TAF5L: variants seen among roughly 807,000 people sequenced by gnomAD.
The protein encoded by TAF5L is TAF5-like RNA polymerase II p300/CBP-associated factor-associated factor 65 kDa subunit 5L.
Under a neutral mutation model 51.3 loss-of-function variants are expected in TAF5L, and 7 were observed. That is an observed-to-expected ratio of 0.14 (90% CI 0.08 to 0.26). TAF5L has a LOEUF of 0.26. TAF5L is among the 10% of genes least tolerant of loss of function. The probability of loss-of-function intolerance (pLI) is 1.00; values close to 1 mark genes in which losing one functional copy is unlikely to be tolerated. For missense variants in TAF5L, 575 were observed against 758.9 expected (o/e 0.76, Z 2.85); for synonymous variants, 291 against 308.1 (o/e 0.94, Z 0.58).
Position 229,602,833 on chromosome 1 carries a change from G to A in TAF5L, c.334C>T (p.Pro112Ser). The A allele has an allele frequency of 1.2e-6, 2 of 1,612,564 alleles. No individual in the cohort carries two copies. Among genetic ancestry groups the A allele is most frequent in the Non-Finnish European group, 1.7e-6 (2 of 1,180,026 alleles). Residue 112 changes from proline (P) to serine (S), a missense_variant, in exon 4 of 5, where the codon CCG becomes TCG. Coordinates refer to ENST00000258281, the Ensembl canonical transcript of TAF5L. This position sits in a 1 kb window ranked among gnomAD's most constrained non-coding sequence, Gnocchi z 4.6. ...TAAAAACTTTCCACTGTGCTCTTCG[G>A]ACTGTTTTGGACCAGGTTGAGATGG...
chr1:229,610,065 T>C (rs1164979546), intron 3 of TAF5L, 41 bp downstream of exon 3: 3 of 1,584,356 alleles, frequency 1.9e-6, no homozygotes, highest in Admixed American at 1.7e-5. Context: ...TGTATTACTC[T>C]GTTTTCTTAA....
At chr1:229,595,222 A>G in intron 4 of TAF5L, 128 bp from the exon 5 acceptor site, 1 of 947,376 alleles carries the variant, frequency 1.1e-6, no homozygotes, top group Non-Finnish European at 1.5e-6. Context: ...GCATCTATCC[A>G]GCAAATGACA....
intron 3 of TAF5L, chr1:229,606,715 CAGG>C (rs1664608155): frequency 1.0e-6 from 1 of 985,218 alleles, no homozygotes; most frequent in Non-Finnish European, 1.2e-6. Context: ...TCTTAGGAGC[CAGG>C]TACTTTGCAT....
chr1:229,614,324 C>G lies in TAF5L; in HGVS notation c.142+17G>C, dbSNP rs551051356. ...CCTGCTCCAGGCTCACCCCACCAGA[C>G]GAGCCCCCACCATTACCTGTTAGAT... On this transcript the variant is annotated intron_variant, in intron 2 of 4. Coordinates refer to ENST00000258281, the Ensembl canonical transcript of TAF5L. The G allele has an allele frequency of 1.2e-6, 2 of 1,614,114 alleles. No individual in the cohort carries two copies. The highest frequency in any genetic ancestry group is 2.7e-5 in the African/African-American group (2 of 74,924).
At chr1:229,616,106 C>T (rs965210549) in intron 1 of TAF5L, among the ~76,000 whole-genome samples, 1 of 152,148 alleles carries the variant, frequency 6.6e-6, no homozygotes, top group Admixed American at 6.5e-5. Context: ...CCTCCACCTC[C>T]TGGGTTCAAG....
At chr1:229,600,005 AG>A (rs1214245888) in intron 4 of TAF5L, 11 of 985,216 alleles carry the variant, frequency 1.1e-5, no homozygotes, top group African/African-American at 7.0e-5. Context: ...TGGTTTCTCT[AG>A]GTATGTGAGT....
rs751451655 is a variant in TAF5L, at chr1:229,594,284, CAA to C, written c.*11_*12del. The stretch of plus-strand genomic sequence containing the variant: ...CCACTGTTACCCCAGTCCGTTCCAA[CAA>C]AGTTAAAAAATTAATGTTCCTGATT... On this transcript the variant is annotated 3_prime_UTR_variant, in exon 5 of 5. Transcript: ENST00000258281. The surrounding 1 kb of genome is among the most constrained non-coding windows in gnomAD (Gnocchi z 7.9). 1.3e-6 allele frequency: 2 copies of C among 1,599,402 alleles called. No individual in the cohort carries two copies. Among genetic ancestry groups the C allele is most frequent in the South Asian group, 1.1e-5 (1 of 89,676 alleles).
intron 4 of TAF5L, among the ~76,000 whole-genome samples, chr1:229,598,220 G>T (rs348336): frequency 0.014 from 2,201 of 152,260 alleles, 26 homozygotes; most frequent in Non-Finnish European, 0.025. Context: ...CAGGTTTCAT[G>T]AATGATTTTT....
intron 3 of TAF5L, chr1:229,607,001 T>C (rs1664618064): frequency 1.0e-6 from 1 of 985,472 alleles, no homozygotes; most frequent in Non-Finnish European, 1.2e-6. Context: ...TAGCTGATGC[T>C]ACATGTTCTT....
chr1:229,624,562 G>A (rs1476858639), intron 1 of TAF5L, among the ~76,000 whole-genome samples: 1 of 151,820 alleles, frequency 6.6e-6, no homozygotes, highest in Non-Finnish European at 1.5e-5. Context: ...AGGACTGCTT[G>A]AGCCCAGGCC....
intron 1 of TAF5L, among the ~76,000 whole-genome samples, chr1:229,623,053 G>C (rs1261669394): frequency 6.6e-6 from 1 of 152,182 alleles, no homozygotes; most frequent in Non-Finnish European, 1.5e-5. Flanking sequence ...GAGGTGGGTG[G>C]ATCACCCGAG....
At chr1:229,609,917 G>C (rs951159144) in intron 3 of TAF5L, among the ~76,000 whole-genome samples, 189 bp downstream of exon 3, 6 of 152,148 alleles carry the variant, frequency 3.9e-5, no homozygotes, top group African/African-American at 1.4e-4. Context: ...GAGTACCTTC[G>C]AATCCCTAGT....
chr1:229,607,973 T>C (rs1278397497), intron 3 of TAF5L: 1 of 152,136 alleles, frequency 6.6e-6, no homozygotes, highest in East Asian at 1.9e-4. Context: ...CTTTCTCAGT[T>C]CAGAAATAAA....
intron 4 of TAF5L, among the ~76,000 whole-genome samples, chr1:229,596,506 C>A (rs1571827481): frequency 6.6e-6 from 1 of 152,096 alleles, no homozygotes; most frequent in African/African-American, 2.4e-5. Context: ...AACATCTCCC[C>A]CAACGTAACA....
At chr1:229,619,788 C>T (rs1306182293) in intron 1 of TAF5L, among the ~76,000 whole-genome samples, 2 of 152,112 alleles carry the variant, frequency 1.3e-5, no homozygotes, top group East Asian at 1.9e-4. Context: ...GAACTCACCT[C>T]CTACTTGAAA....
chr1:229,615,563 T>C (rs1664948954), intron 1 of TAF5L, among the ~76,000 whole-genome samples: 1 of 151,622 alleles, frequency 6.6e-6, no homozygotes, highest in Non-Finnish European at 1.5e-5. Context: ...AAATTATTTT[T>C]GAATAATTCA....
rs1350803689 is a variant in TAF5L at position 229,600,427 on chromosome 1, C to T, written c.972+1768G>A. 2.3e-5 allele frequency: 23 copies of T among 985,240 alleles called. No individual in the cohort carries two copies. In the Admixed American group the frequency reaches 4.3e-4, roughly 18 times the overall value. 61.0% of individuals were successfully genotyped at this position (985,240 alleles called of 1,614,324 possible). On this transcript the variant is annotated intron_variant, in intron 4 of 4. Transcript: ENST00000258281. ...TTAAACAAAACCACCATTCCAATGACGTCTTTTGCTTTCTTCTTGATGGAC... is the reference window on the plus strand; with the variant it reads ...TTAAACAAAACCACCATTCCAATGATGTCTTTTGCTTTCTTCTTGATGGAC...
Position 229,602,009 on chromosome 1 carries a change from T to A in TAF5L, c.972+186A>T. The A allele has an allele frequency of 2.8e-6, 4 of 1,424,404 alleles. No individual in the cohort carries two copies. Among genetic ancestry groups the A allele is most frequent in the Non-Finnish European group, 3.7e-6 (4 of 1,090,934 alleles). The allele number at this position is 1,424,404 out of a possible 1,614,324, so 88.2% of individuals were successfully genotyped here. On this transcript the variant is annotated intron_variant, in intron 4 of 4. Transcript: ENST00000258281. This position sits in a 1 kb window ranked among gnomAD's most constrained non-coding sequence, Gnocchi z 4.6. ...ATAAGAAGTTAATGCTGCTAAAAATTGTTTTTGCATCTTAGGTTAGGCATG... is the reference window on the plus strand; with the variant it reads ...ATAAGAAGTTAATGCTGCTAAAAATAGTTTTTGCATCTTAGGTTAGGCATG...
intron 3 of TAF5L, among the ~76,000 whole-genome samples, chr1:229,605,503 A>G (rs900428238): frequency 3.1e-4 from 47 of 152,198 alleles, no homozygotes; most frequent in African/African-American, 1.1e-3. Flanking sequence ...ACAGGTGCCA[A>G]GTTAATAAGG....
Sources: allele counts gnomAD v4.1 joint callset (sites outside exome capture counted in the v4.1 genomes callset), GRCh38; gene constraint gnomAD v4.1.1; non-coding constraint Gnocchi (gnomAD v3.1); transcripts MANE v1.5; gene names NCBI Gene and HGNC (gene_info 2026-07-23, HGNC 2026-07-21).